Variants in SPAG16 observed in about 807,000 individuals in gnomAD.
The protein encoded by SPAG16 is sperm-associated antigen 16 protein.
A neutral mutation model predicts 80.4 loss-of-function variants in SPAG16; 86 were observed. The ratio of observed to expected loss-of-function variants is 1.07; its 90% CI spans 0.90 to 1.28. SPAG16 has a LOEUF of 1.28. SPAG16 is among the 50% of genes most tolerant of loss of function. SPAG16 has a pLI of 0.00. For synonymous variants in SPAG16, 294 were observed against 265.9 expected (o/e 1.11, Z -1.03); for missense variants, 870 against 765.3 (o/e 1.14, Z -1.61).
At chr2:213,465,622 C>T (rs890921183) in intron 9 of SPAG16, among the ~76,000 whole-genome samples, 4 of 152,164 alleles carry the variant, frequency 2.6e-5, no homozygotes, top group African/African-American at 9.7e-5. Context: ...GTTTGTTAGC[C>T]AGAGACTCCC....
chr2:213,886,551 G>A (rs2076562536), intron 11 of SPAG16, among the ~76,000 whole-genome samples: 1 of 152,024 alleles, frequency 6.6e-6, no homozygotes, highest in Non-Finnish European at 1.5e-5. Context: ...GCAAAAACAT[G>A]AGAATAAAAT....
intron 14 of SPAG16, among the ~76,000 whole-genome samples, chr2:214,118,767 A>G (rs2054072376): frequency 6.7e-6 from 1 of 149,876 alleles, no homozygotes; most frequent in African/African-American, 2.4e-5. Flanking sequence ...AAACCATATC[A>G]ATGTCCATAC....
At chr2:214,262,428 G>T (rs1022823034) in intron 15 of SPAG16, among the ~76,000 whole-genome samples, 1 of 151,816 alleles carries the variant, frequency 6.6e-6, no homozygotes, top group Admixed American at 6.6e-5. Context: ...ACTTTGAAGA[G>T]TCTTTGTTAT....
At chr2:214,381,394 C>T (rs779200191) in intron 15 of SPAG16, among the ~76,000 whole-genome samples, 13 of 152,128 alleles carry the variant, frequency 8.5e-5, no homozygotes, top group Non-Finnish European at 1.3e-4. Flanking sequence ...CTGCATAGAG[C>T]ATAAGACATA....
intron 10 of SPAG16, among the ~76,000 whole-genome samples, chr2:213,567,726 A>G (rs2059825998): frequency 6.0e-5 from 2 of 33,240 alleles, no homozygotes; most frequent in Non-Finnish European, 9.5e-5. Context: ...AGCATGATTT[A>G]TAGTCCTTTG....
chr2:213,422,450 A>C (rs2069656368), intron 9 of SPAG16: 1 of 588,224 alleles, frequency 1.7e-6, no homozygotes, highest in Non-Finnish European at 3.1e-6. Flanking sequence ...CACACCCCTC[A>C]CCTCTCTGCT....
chr2:213,661,188 A>G (rs375321315), intron 10 of SPAG16, among the ~76,000 whole-genome samples: 2 of 152,340 alleles, frequency 1.3e-5, no homozygotes, highest in African/African-American at 4.8e-5. Flanking sequence ...GTGTGCATAC[A>G]GTTTACCTAA....
At chr2:213,914,086 A>G (rs1402578091) in intron 11 of SPAG16, among the ~76,000 whole-genome samples, 1 of 152,162 alleles carries the variant, frequency 6.6e-6, no homozygotes, top group Non-Finnish European at 1.5e-5. Flanking sequence ...AAACTGACGC[A>G]TAAAATTAGC....
intron 9 of SPAG16, among the ~76,000 whole-genome samples, chr2:213,459,470 A>G (rs1432576397): frequency 1.3e-5 from 2 of 152,190 alleles, no homozygotes; most frequent in Non-Finnish European, 2.9e-5. Flanking sequence ...GGTGATTGAG[A>G]TGATTCAAAG....
intron 15 of SPAG16, among the ~76,000 whole-genome samples, chr2:214,250,755 TATAGAGAGAG>T (rs1366300348): frequency 1.7e-3 from 164 of 96,694 alleles, no homozygotes; most frequent in African/African-American, 4.3e-3. Context: ...TATATATATA[TATAGAGAGAG>T]AGAGAGAGAG....
chr2:214,023,687 T>C (rs1313990998), intron 13 of SPAG16, among the ~76,000 whole-genome samples: 2 of 151,818 alleles, frequency 1.3e-5, no homozygotes, highest in Non-Finnish European at 3.0e-5. Flanking sequence ...CTTTCAAAGA[T>C]TGTTACTTAA....
At chr2:213,397,688 T>C (rs1368639874) in intron 9 of SPAG16, among the ~76,000 whole-genome samples, 1 of 152,120 alleles carries the variant, frequency 6.6e-6, no homozygotes, top group East Asian at 1.9e-4. Context: ...GGCCTTGTTA[T>C]TGCAAGTAAC....
intron 14 of SPAG16, among the ~76,000 whole-genome samples, chr2:214,134,392 C>G (rs2054940693): frequency 1.3e-5 from 2 of 152,142 alleles, no homozygotes; most frequent in South Asian, 4.1e-4. Context: ...ATTTCAACAC[C>G]CTGTCTGCCA....
intron 1 of SPAG16, among the ~76,000 whole-genome samples, chr2:213,293,433 G>A (rs116266592): frequency 2.6e-5 from 4 of 152,334 alleles, no homozygotes; most frequent in African/African-American, 9.6e-5. Context: ...AAGAAATGAT[G>A]TGTGACTTCT....
chr2:213,962,278 C>T (rs890099210), intron 12 of SPAG16, among the ~76,000 whole-genome samples: 1 of 150,806 alleles, frequency 6.6e-6, no homozygotes, highest in Non-Finnish European at 1.5e-5. Context: ...ACTGCAAGCT[C>T]GCCTCCTGGG....
At chr2:213,848,486 T>C (rs533112680) in intron 10 of SPAG16, among the ~76,000 whole-genome samples, 59 of 152,300 alleles carry the variant, frequency 3.9e-4, no homozygotes, top group Middle Eastern at 3.4e-3. Flanking sequence ...GATTTATGTC[T>C]CACAGCCTTA....
chr2:213,762,200 C>T (rs1489485953), intron 10 of SPAG16, among the ~76,000 whole-genome samples: 1 of 152,016 alleles, frequency 6.6e-6, no homozygotes, highest in Non-Finnish European at 1.5e-5. Context: ...CTTCCAGGGA[C>T]TGGGAGGAAG....
chr2:213,895,933 A>T (rs2076975479), intron 11 of SPAG16, among the ~76,000 whole-genome samples: 1 of 152,134 alleles, frequency 6.6e-6, no homozygotes. Flanking sequence ...AAAATAAAAA[A>T]AAATGAAAAG....
chr2:213,284,646 G>A (rs1311922960), intron 1 of SPAG16, 27 bp downstream of exon 1: 8 of 1,597,148 alleles, frequency 5.0e-6, no homozygotes, highest in Non-Finnish European at 6.8e-6. Context: ...GGCGCGGCCC[G>A]CTGCGCTGGC....
Sources: allele counts gnomAD v4.1 joint callset (sites outside exome capture counted in the v4.1 genomes callset), GRCh38; gene constraint gnomAD v4.1.1; transcripts MANE v1.5; gene names NCBI Gene and HGNC (gene_info 2026-07-23, HGNC 2026-07-21).